Variants in FGF12 observed in about 807,000 individuals in gnomAD.
FGF12 encodes fibroblast growth factor 12, also known as fibroblast growth factor 12B.
Under a neutral mutation model 23.6 loss-of-function variants are expected in FGF12, and 14 were observed. The observed-to-expected ratio is 0.59, with a 90% CI of 0.39 to 0.93. FGF12 has a LOEUF of 0.93. FGF12 is among the 40% of genes least tolerant of loss of function. The pLI is 0.00. For synonymous variants in FGF12, 62 were observed against 77.3 expected (o/e 0.80, Z 1.04); for missense variants, 175 against 217.8 (o/e 0.80, Z 1.24).
At chr3:192,505,056 A>C (rs544286121) in intron 2 of FGF12, among the ~76,000 whole-genome samples, 4 of 152,204 alleles carry the variant, frequency 2.6e-5, no homozygotes, top group Non-Finnish European at 4.4e-5. Flanking sequence ...GGCATTGAGT[A>C]GACTGGTACG....
intron 4 of FGF12, among the ~76,000 whole-genome samples, chr3:192,277,119 T>A (rs191963537): frequency 7.2e-5 from 11 of 152,336 alleles, no homozygotes; most frequent in African/African-American, 2.6e-4. Flanking sequence ...CTGCCTCTTG[T>A]CAATAATTTT....
intron 2 of FGF12, among the ~76,000 whole-genome samples, chr3:192,721,559 T>G (rs974403277): frequency 1.3e-5 from 2 of 152,108 alleles, no homozygotes; most frequent in Non-Finnish European, 1.5e-5. Context: ...TATTAAGAGA[T>G]GCAATAAACC....
At chr3:192,598,316 G>A (rs76638323) in intron 2 of FGF12, among the ~76,000 whole-genome samples, 12,633 of 152,186 alleles carry the variant, frequency 0.083, 943 homozygotes, top group East Asian at 0.34. Context: ...TTATACTGTC[G>A]AGGGGCTAGA....
chr3:192,714,010 C>T (rs531966636), intron 2 of FGF12, among the ~76,000 whole-genome samples: 3 of 152,200 alleles, frequency 2.0e-5, no homozygotes, highest in East Asian at 1.9e-4. Flanking sequence ...AACCCCATGG[C>T]GATGATTTCG....
At chr3:192,711,431 C>T (rs1193607279) in intron 2 of FGF12, among the ~76,000 whole-genome samples, 1 of 152,110 alleles carries the variant, frequency 6.6e-6, no homozygotes. Context: ...CCGGCCGCCA[C>T]CCCGTCTGGG....
intron 2 of FGF12, among the ~76,000 whole-genome samples, chr3:192,608,408 T>C (rs1054667278): frequency 5.3e-5 from 8 of 152,142 alleles, no homozygotes; most frequent in Non-Finnish European, 1.0e-4. Flanking sequence ...AAATATCTCA[T>C]GTGCTCTGTA....
intron 2 of FGF12, among the ~76,000 whole-genome samples, chr3:192,576,283 C>T (rs148478276): frequency 8.7e-4 from 133 of 152,278 alleles, no homozygotes; most frequent in Non-Finnish European, 1.5e-3. Flanking sequence ...TGATTTCATC[C>T]GCACAGCAAC....
intron 4 of FGF12, among the ~76,000 whole-genome samples, chr3:192,306,286 T>C (rs1416445372): frequency 1.3e-5 from 2 of 152,136 alleles, no homozygotes; most frequent in African/African-American, 4.8e-5. Flanking sequence ...AATCCATCCA[T>C]TATGGACGCT....
chr3:192,477,847 A>T (rs2108817354), intron 2 of FGF12, among the ~76,000 whole-genome samples: 1 of 152,378 alleles, frequency 6.6e-6, no homozygotes, highest in South Asian at 2.1e-4. Context: ...ATGACACAAT[A>T]GAAAACTGTC....
At chr3:192,417,357 CA>C (rs35195568) in intron 2 of FGF12, among the ~76,000 whole-genome samples, 51,095 of 131,104 alleles carry the variant, frequency 0.39, 8,631 homozygotes, top group Admixed American at 0.47. Flanking sequence ...AATTCATTAC[CA>C]AAAAAAAAAA....
chr3:192,490,068 T>G (rs1330888274), intron 2 of FGF12, among the ~76,000 whole-genome samples: 1 of 152,112 alleles, frequency 6.6e-6, no homozygotes, highest in Non-Finnish European at 1.5e-5. Context: ...CCATCCTCAT[T>G]TGATGAAGAC....
At chr3:192,523,991 T>C (rs961122230) in intron 2 of FGF12, among the ~76,000 whole-genome samples, 4 of 152,152 alleles carry the variant, frequency 2.6e-5, no homozygotes, top group African/African-American at 9.7e-5. Context: ...TTTGGGGTTT[T>C]AGGGAATAAA....
At chr3:192,160,101 G>C (rs1714783655) in intron 5 of FGF12, among the ~76,000 whole-genome samples, 1 of 151,940 alleles carries the variant, frequency 6.6e-6, no homozygotes, top group African/African-American at 2.4e-5. Context: ...GCTCTATCAG[G>C]TCTACCTTCA....
Position 192,142,335 on chromosome 3 carries a change from G to C in FGF12, c.*1674C>G, listed in dbSNP as rs1713441730. On this transcript the variant is annotated 3_prime_UTR_variant, in exon 6 of 6. Coordinates refer to ENST00000445105, the MANE Select transcript of FGF12 (RefSeq NM_004113.6). ...AATACGGCAACCAATGGCAAGGTTT[G>C]AGGTGAGGGCCTAGAGCTTCTGCAA... 6.6e-6 allele frequency: 1 copy of C among 152,518 alleles called. No homozygotes were observed. The highest frequency in any genetic ancestry group is 1.5e-5 in the Non-Finnish European group (1 of 67,950). 9.4% of individuals were successfully genotyped at this position (152,518 alleles called of 1,614,324 possible). A position where few individuals can be genotyped will look rare whatever the true frequency, so the allele number is the denominator to read the frequency against.
At chr3:192,437,098 G>A (rs1405365016) in intron 2 of FGF12, among the ~76,000 whole-genome samples, 1 of 152,132 alleles carries the variant, frequency 6.6e-6, no homozygotes, top group African/African-American at 2.4e-5. Flanking sequence ...TGCAGCAAGA[G>A]AAGCCGGGTA....
intron 2 of FGF12, among the ~76,000 whole-genome samples, chr3:192,605,224 A>G (rs1029033968): frequency 2.0e-5 from 3 of 152,040 alleles, no homozygotes; most frequent in South Asian, 2.1e-4. Flanking sequence ...TAAAAATACA[A>G]AAATTAGCTT....
chr3:192,192,644 T>C (rs1716853674), intron 4 of FGF12, among the ~76,000 whole-genome samples: 1 of 151,892 alleles, frequency 6.6e-6, no homozygotes, highest in African/African-American at 2.4e-5. Flanking sequence ...TGTGGAATTA[T>C]AGAATCACAG....
At chr3:192,720,233 C>T (rs1474311785) in intron 2 of FGF12, among the ~76,000 whole-genome samples, 1 of 152,236 alleles carries the variant, frequency 6.6e-6, no homozygotes, top group Non-Finnish European at 1.5e-5. Context: ...GTCCCACTTT[C>T]AATTATGTGT....
At chr3:192,233,238 T>C (rs916693327) in intron 4 of FGF12, among the ~76,000 whole-genome samples, 2 of 152,214 alleles carry the variant, frequency 1.3e-5, no homozygotes, top group East Asian at 1.9e-4. Flanking sequence ...TTTTTGATAA[T>C]AGTAATTCTG....
Sources: gnomAD v4.1 joint callset for allele counts (sites outside exome capture counted in the v4.1 genomes callset) on GRCh38, gnomAD v4.1.1 for gene constraint, MANE v1.5 for transcripts, NCBI Gene and HGNC (gene_info 2026-07-23, HGNC 2026-07-21) for gene names.